Variants in SLCO3A1 observed in about 807,000 individuals in gnomAD.
SLCO3A1 encodes the protein solute carrier organic anion transporter family member 3A1, also known as PGE1 transporter.
A neutral mutation model predicts 63.1 loss-of-function variants in SLCO3A1; 27 were observed. The observed-to-expected ratio is 0.43, with a 90% CI of 0.32 to 0.59. The LOEUF (loss-of-function observed/expected upper bound fraction) is 0.59. SLCO3A1 is among the 20% of genes least tolerant of loss of function. The pLI is 0.09. For synonymous variants in SLCO3A1, 473 were observed against 409.9 expected (o/e 1.15, Z -1.86); for missense variants, 773 against 945.8 (o/e 0.82, Z 2.40).
At chr15:92,114,940 A>G (rs1297091764) in intron 4 of SLCO3A1, among the ~76,000 whole-genome samples, 1 of 152,160 alleles carries the variant, frequency 6.6e-6, no homozygotes, top group Non-Finnish European at 1.5e-5. Flanking sequence ...CTGGAATGAT[A>G]ATGTTAAGAC....
intron 2 of SLCO3A1, among the ~76,000 whole-genome samples, chr15:92,023,251 C>T (rs12899011): frequency 0.16 from 23,831 of 152,194 alleles, 1,982 homozygotes; most frequent in Non-Finnish European, 0.17. Flanking sequence ...ACTGAATCCA[C>T]CTTTCTTTAC....
At chr15:91,929,669 G>T (rs1470907021) in intron 2 of SLCO3A1, among the ~76,000 whole-genome samples, 1 of 152,146 alleles carries the variant, frequency 6.6e-6, no homozygotes, top group African/African-American at 2.4e-5. Context: ...TTGCAAAACT[G>T]AAATTACCTC....
At chr15:92,130,717 CAG>C (rs1186338105) in intron 7 of SLCO3A1, among the ~76,000 whole-genome samples, 2 of 152,058 alleles carry the variant, frequency 1.3e-5, no homozygotes, top group Non-Finnish European at 2.9e-5. Context: ...GGCCCAGAGT[CAG>C]AGAAATCTCA....
intron 4 of SLCO3A1, among the ~76,000 whole-genome samples, chr15:92,107,815 T>C (rs946620638): frequency 6.6e-6 from 1 of 152,226 alleles, no homozygotes; most frequent in African/African-American, 2.4e-5. Flanking sequence ...GCTGTCTGCT[T>C]TGAGGCAGAT....
chr15:92,104,142 C>G, intron 3 of SLCO3A1, 137 bp from the exon 4 acceptor site: 1 of 964,274 alleles, frequency 1.0e-6, no homozygotes, highest in Admixed American at 2.2e-5. Context: ...GGCTTCGTAG[C>G]CTGGCAGCCA....
In SLCO3A1 at chr15:92,095,387, A is replaced by T. The variant is rs1470844218; in HGVS notation, c.745+408A>T. ...ATGAGGATCCTACTTTCCAAACTAAAAGTTGGAGCATGTGTTCTGGAGGTG... is the reference window on the plus strand; with the variant it reads ...ATGAGGATCCTACTTTCCAAACTAATAGTTGGAGCATGTGTTCTGGAGGTG... On this transcript the variant is annotated intron_variant, in intron 3 of 9. Coordinates refer to ENST00000318445, the MANE Select transcript of SLCO3A1 (RefSeq NM_013272.4). 3.9e-5 allele frequency among the ~76,000 whole-genome samples: 6 copies of T among 152,314 alleles called. No individual in the cohort carries two copies. The South Asian group carries it at 1.2e-3, about 32-fold the overall frequency.
At chr15:91,970,135 T>C (rs1006368240) in intron 2 of SLCO3A1, among the ~76,000 whole-genome samples, 8 of 152,226 alleles carry the variant, frequency 5.3e-5, no homozygotes, top group African/African-American at 1.9e-4. Context: ...AAAAGAGGCA[T>C]TGAAATACAG....
chr15:91,945,326 A>C (rs1899766391), intron 2 of SLCO3A1, among the ~76,000 whole-genome samples: 1 of 136,498 alleles, frequency 7.3e-6, no homozygotes, highest in South Asian at 2.5e-4. Flanking sequence ...TGGGAGACAG[A>C]GTGAGACTCC....
rs146779228 is a variant in SLCO3A1, at chr15:92,162,991, G to A, written c.1989G>A (p.Leu663=). The A allele has an allele frequency of 1.2e-4, 197 of 1,613,436 alleles. No homozygotes were observed. Among genetic ancestry groups the A allele is most frequent in the Non-Finnish European group, 1.6e-4 (185 of 1,179,614 alleles). ...ACATCAAAAACCACGAGGGCGGGCT[G>A]AGCACCAGTGAGTTCTTTGCCTCTA... The part of the protein sequence containing the change: ...KRYIKNHEGG[L]STSEFFASTL... Residue 663 remains leucine, a synonymous_variant, in exon 10 of 10, where the codon CTG becomes CTA. Coordinates refer to ENST00000318445, the MANE Select transcript of SLCO3A1 (RefSeq NM_013272.4).
chr15:91,942,462 G>A lies in SLCO3A1; in HGVS notation c.646+26004G>A, dbSNP rs752672440. 6.6e-6 allele frequency among the ~76,000 whole-genome samples: 1 copy of A among 152,214 alleles called. No individual in the cohort carries two copies. The highest frequency in any genetic ancestry group is 2.1e-4 in the South Asian group (1 of 4,838). ...CTGCAGGGGGCACCATGTAGAGACC[G>A]TAGTTGGATGTGGCCTGGAGTTGTG... On this transcript the variant is annotated intron_variant, in intron 2 of 9. Transcript: ENST00000318445. This position sits in a 1 kb window ranked among gnomAD's most constrained non-coding sequence, Gnocchi z 4.1.
chr15:91,902,617 A>T (rs1253544236), intron 1 of SLCO3A1, among the ~76,000 whole-genome samples: 2 of 152,090 alleles, frequency 1.3e-5, no homozygotes, highest in African/African-American at 4.8e-5. Context: ...CAGAAGTTTT[A>T]AATGAATTAG....
At chr15:91,985,885 G>A (rs75130503) in intron 2 of SLCO3A1, among the ~76,000 whole-genome samples, 4,742 of 152,220 alleles carry the variant, frequency 0.031, 259 homozygotes, top group African/African-American at 0.11. Context: ...GGTTCCTGTG[G>A]GCTTCCTAGT....
chr15:91,940,938 T>C (rs762775460), intron 2 of SLCO3A1, among the ~76,000 whole-genome samples: 1 of 152,166 alleles, frequency 6.6e-6, no homozygotes, highest in Non-Finnish European at 1.5e-5. Flanking sequence ...TAATGAGGGA[T>C]CAGGTCAAGA....
At chr15:92,112,626 G>T (rs1259104657) in intron 4 of SLCO3A1, among the ~76,000 whole-genome samples, 1 of 152,218 alleles carries the variant, frequency 6.6e-6, no homozygotes, top group East Asian at 1.9e-4. Context: ...TCCTCTGGGG[G>T]CCAACAGATC....
intron 2 of SLCO3A1, among the ~76,000 whole-genome samples, chr15:91,958,165 A>T (rs1900308140): frequency 6.6e-6 from 1 of 152,244 alleles, no homozygotes; most frequent in African/African-American, 2.4e-5. Context: ...ATATATGTTG[A>T]TACTAGTCTA....
intron 9 of SLCO3A1, chr15:92,153,438 C>G (rs958370747): frequency 5.3e-5 from 8 of 152,206 alleles, no homozygotes; most frequent in Non-Finnish European, 7.3e-5. Flanking sequence ...CTTCATCTTT[C>G]AGTTGAAAGC....
chr15:92,074,780 G>C (rs1002518171), intron 2 of SLCO3A1, among the ~76,000 whole-genome samples: 2 of 151,440 alleles, frequency 1.3e-5, no homozygotes, highest in Non-Finnish European at 2.9e-5. Flanking sequence ...AAGCAGGGCG[G>C]TGGGGGGTGG....
chr15:92,144,770 C>T (rs2048198482), intron 7 of SLCO3A1, among the ~76,000 whole-genome samples: 1 of 152,204 alleles, frequency 6.6e-6, no homozygotes, highest in Non-Finnish European at 1.5e-5. Flanking sequence ...TTAGGCGGGA[C>T]AGTAGTGCCA....
At chr15:91,905,938 G>T (rs539999958) in intron 1 of SLCO3A1, among the ~76,000 whole-genome samples, 1 of 152,132 alleles carries the variant, frequency 6.6e-6, no homozygotes, top group Non-Finnish European at 1.5e-5. Context: ...CCCCCAAGTC[G>T]GGCCACCTTG....
Sources: gnomAD v4.1 joint callset for allele counts (sites outside exome capture counted in the v4.1 genomes callset) on GRCh38, gnomAD v4.1.1 for gene constraint, Gnocchi (gnomAD v3.1) non-coding constraint, MANE v1.5 for transcripts, NCBI Gene and HGNC (gene_info 2026-07-23, HGNC 2026-07-21) for gene names.